Variants in DPP10 observed in about 807,000 individuals in gnomAD.
DPP10 encodes the protein dipeptidyl peptidase like 10.
Under a neutral mutation model 120.9 loss-of-function variants are expected in DPP10, and 33 were observed. That is an observed-to-expected ratio of 0.27 (90% confidence interval 0.21 to 0.37). DPP10 has a LOEUF of 0.37. DPP10 is among the 10% of genes least tolerant of loss of function. The probability of loss-of-function intolerance (pLI) is 1.00; values close to 1 mark genes in which losing one functional copy is unlikely to be tolerated. For missense variants in DPP10, 816 were observed against 942.8 expected (o/e 0.87, Z 1.76); for synonymous variants, 337 against 326.1 (o/e 1.03, Z -0.36).
At chr2:114,947,920 C>T (rs78189124) in intron 1 of DPP10, among the ~76,000 whole-genome samples, 1,756 of 152,050 alleles carry the variant, frequency 0.012, 38 homozygotes, top group African/African-American at 0.041. Context: ...CTCCCCTCCC[C>T]ACCTTATCTT....
In DPP10 at chr2:114,542,426, A is replaced by G. The variant is rs553473759; in HGVS notation, c.60+99588A>G. Among the ~76,000 whole-genome samples the G allele has an allele frequency of 3.3e-5, 5 of 152,246 alleles. No homozygotes were observed. The East Asian group carries it at 9.7e-4, about 29-fold the overall frequency. On this transcript the variant is annotated intron_variant, in intron 1 of 25. Transcript: ENST00000410059. Reference sequence around the variant, plus strand: ...CCAGTTCTCCCCACATGCTTTCCAGAAGGCTGATTGAGTGGAACACTTGGA... The same window carrying G: ...CCAGTTCTCCCCACATGCTTTCCAGGAGGCTGATTGAGTGGAACACTTGGA...
At chr2:115,542,368 A>T (rs1321549273) in intron 5 of DPP10, among the ~76,000 whole-genome samples, 1 of 152,000 alleles carries the variant, frequency 6.6e-6, no homozygotes, top group Non-Finnish European at 1.5e-5. Context: ...ATATTGTCCA[A>T]CATAATGCCC....
intron 1 of DPP10, among the ~76,000 whole-genome samples, chr2:115,091,245 C>A (rs954528574): frequency 2.0e-5 from 3 of 152,186 alleles, no homozygotes; most frequent in Admixed American, 6.5e-5. Context: ...TGCATCTAAA[C>A]CTTGTCTGGC....
intron 1 of DPP10, among the ~76,000 whole-genome samples, chr2:115,120,863 T>C (rs1430968418): frequency 1.3e-5 from 2 of 152,168 alleles, no homozygotes; most frequent in African/African-American, 2.4e-5. Flanking sequence ...TTATAACCTT[T>C]CTTACCAAAA....
intron 3 of DPP10, among the ~76,000 whole-genome samples, chr2:115,467,084 C>T (rs1328517718): frequency 6.6e-6 from 1 of 151,978 alleles, no homozygotes; most frequent in African/African-American, 2.4e-5. Context: ...TTAAATTTTC[C>T]CTTCAGAAAT....
At chr2:114,862,284 A>C (rs1689868448) in intron 1 of DPP10, among the ~76,000 whole-genome samples, 1 of 152,148 alleles carries the variant, frequency 6.6e-6, no homozygotes, top group Admixed American at 6.5e-5. Context: ...GAAAAAAAAA[A>C]ATAAAAAAGG....
intron 1 of DPP10, among the ~76,000 whole-genome samples, chr2:115,177,850 G>T (rs1221715213): frequency 1.3e-5 from 2 of 151,976 alleles, no homozygotes; most frequent in South Asian, 4.1e-4. Flanking sequence ...TGCAAGCTCC[G>T]CCTGCCAGGT....
intron 2 of DPP10, among the ~76,000 whole-genome samples, chr2:115,320,573 C>T (rs1185060447): frequency 6.6e-6 from 1 of 151,864 alleles, no homozygotes; most frequent in Non-Finnish European, 1.5e-5. Context: ...CTAATTTTAT[C>T]TTATGTTCAA....
chr2:115,555,263 C>T (rs2080137124), intron 5 of DPP10, among the ~76,000 whole-genome samples: 1 of 152,030 alleles, frequency 6.6e-6, no homozygotes, highest in African/African-American at 2.4e-5. Context: ...AAACTTTCCT[C>T]TGCCCTCTTA....
At chr2:114,812,583 G>GAC (rs3036385) in intron 1 of DPP10, among the ~76,000 whole-genome samples, 12,095 of 134,434 alleles carry the variant, frequency 0.09, 599 homozygotes, top group Middle Eastern at 0.13. Context: ...GTGAGACATT[G>GAC]ACACACACAC....
At chr2:115,712,543 A>AGATATATATATATATATATATATATATAT (rs56675119) in intron 7 of DPP10, among the ~76,000 whole-genome samples, 1 of 64,276 alleles carries the variant, frequency 1.6e-5, no homozygotes, top group Non-Finnish European at 2.9e-5. Flanking sequence ...TCCTGAATTA[A>AGATATATATATATATATATATATATATAT]ATATATATAT....
At chr2:115,077,862 C>A (rs17043987) in intron 1 of DPP10, among the ~76,000 whole-genome samples, 28,224 of 152,160 alleles carry the variant, frequency 0.19, 3,000 homozygotes, top group East Asian at 0.36. Flanking sequence ...TGAGCCAGCA[C>A]TGGCAGAGGT....
intron 1 of DPP10, among the ~76,000 whole-genome samples, chr2:114,581,966 A>G (rs773226381): frequency 1.3e-5 from 2 of 152,206 alleles, no homozygotes; most frequent in Admixed American, 6.5e-5. Context: ...ACACATCATT[A>G]TCGTCCAAAC....
At chr2:115,748,978 A>G (rs1222237113) in intron 10 of DPP10, among the ~76,000 whole-genome samples, 1 of 152,134 alleles carries the variant, frequency 6.6e-6, no homozygotes, top group Non-Finnish European at 1.5e-5. Flanking sequence ...ATCACCATTC[A>G]GTTTATCTTT....
chr2:115,038,307 G>A (rs189804359), intron 1 of DPP10, among the ~76,000 whole-genome samples: 236 of 151,716 alleles, frequency 1.6e-3, no homozygotes, highest in African/African-American at 5.2e-3. Flanking sequence ...GTCTCGCTCT[G>A]TTGCCCAGGC....
chr2:114,979,970 A>G (rs1298493126), intron 1 of DPP10, among the ~76,000 whole-genome samples: 2 of 152,092 alleles, frequency 1.3e-5, no homozygotes, highest in Non-Finnish European at 2.9e-5. Context: ...GCAATCGTGT[A>G]TATTCTAAGA....
At chr2:114,516,532 A>G (rs1305491814) in intron 1 of DPP10, among the ~76,000 whole-genome samples, 2 of 152,228 alleles carry the variant, frequency 1.3e-5, no homozygotes, top group Non-Finnish European at 2.9e-5. Context: ...TCAAAAGTAC[A>G]TTTTAAGGAA....
intron 1 of DPP10, among the ~76,000 whole-genome samples, chr2:114,471,207 T>TA (rs1405591012): frequency 6.6e-6 from 1 of 152,160 alleles, no homozygotes; most frequent in Admixed American, 6.5e-5. Flanking sequence ...ATGCTGGCAA[T>TA]AAAAGCTGTT....
intron 1 of DPP10, among the ~76,000 whole-genome samples, chr2:115,028,144 G>C (rs959555360): frequency 1.3e-5 from 2 of 151,790 alleles, no homozygotes; most frequent in African/African-American, 4.8e-5. Context: ...TACTAATTTA[G>C]GTTTTGGTTT....
Sources: allele counts gnomAD v4.1 joint callset (sites outside exome capture counted in the v4.1 genomes callset), GRCh38; gene constraint gnomAD v4.1.1; transcripts MANE v1.5; gene names NCBI Gene and HGNC (gene_info 2026-07-23, HGNC 2026-07-21).